The following RSPO2 variants were observed in gnomAD, a reference collection of about 807,000 sequenced individuals.
RSPO2 encodes R-spondin-2.
Under a neutral mutation model 30.9 loss-of-function variants are expected in RSPO2, and 14 were observed. The observed-to-expected ratio is 0.45, with a 90% CI of 0.30 to 0.71. The LOEUF (loss-of-function observed/expected upper bound fraction) is 0.71. Among genes scored for constraint, RSPO2 ranks in the 30% least tolerant of loss-of-function variants. The pLI, the probability that RSPO2 is intolerant of heterozygous loss-of-function variation, is 0.08. For synonymous variants in RSPO2, 107 were observed against 96.4 expected (o/e 1.11, Z -0.64); for missense variants, 264 against 301.9 (o/e 0.87, Z 0.93).
intron 3 of RSPO2, among the ~76,000 whole-genome samples, chr8:107,980,057 CCTCTTA>C (rs1258780534): frequency 6.6e-6 from 1 of 152,042 alleles, no homozygotes; most frequent in Non-Finnish European, 1.5e-5. Context: ...TACCCTTTAC[CCTCTTA>C]CTCTTACTCA....
intron 5 of RSPO2, among the ~76,000 whole-genome samples, chr8:107,903,402 C>T (rs1198888233): frequency 2.0e-5 from 3 of 152,076 alleles, no homozygotes; most frequent in African/African-American, 7.2e-5. Flanking sequence ...ACTACTTTCA[C>T]TAACAGCAAA....
At chr8:108,003,189 T>C (rs1027197583) in intron 2 of RSPO2, among the ~76,000 whole-genome samples, 31 of 147,646 alleles carry the variant, frequency 2.1e-4, no homozygotes, top group African/African-American at 7.0e-4. Context: ...GTAGCTGGGA[T>C]TACAGGCATG....
At chr8:108,011,148 A>AAAAAAAAG in intron 2 of RSPO2, among the ~76,000 whole-genome samples, 1 of 140,486 alleles carries the variant, frequency 7.1e-6, no homozygotes, top group Non-Finnish European at 1.5e-5. Flanking sequence ...AAAAAAAAAA[A>AAAAAAAAG]AAAGAAAGAA....
At chr8:107,917,157 A>G (rs1462824273) in intron 5 of RSPO2, among the ~76,000 whole-genome samples, 1 of 152,132 alleles carries the variant, frequency 6.6e-6, no homozygotes, top group African/African-American at 2.4e-5. Context: ...TGAAAAGCCA[A>G]GTTTCTTCTA....
At chr8:108,024,179 A>G (rs1662454162) in intron 2 of RSPO2, among the ~76,000 whole-genome samples, 1 of 152,200 alleles carries the variant, frequency 6.6e-6, no homozygotes, top group African/African-American at 2.4e-5. Flanking sequence ...ATTCTCTCCA[A>G]CGACAACTTA....
At chr8:107,918,987 T>C (rs1369923664) in intron 5 of RSPO2, among the ~76,000 whole-genome samples, 1 of 152,162 alleles carries the variant, frequency 6.6e-6, no homozygotes, top group Non-Finnish European at 1.5e-5. Flanking sequence ...ATATTTACTT[T>C]TAAAACTGGG....
intron 2 of RSPO2, among the ~76,000 whole-genome samples, chr8:108,007,245 TA>T (rs1420461744): frequency 6.6e-6 from 1 of 152,168 alleles, no homozygotes; most frequent in Admixed American, 6.5e-5. Flanking sequence ...AGTTGTCTTG[TA>T]AAATATTCTA....
chr8:108,016,818 T>G (rs1810904202), intron 2 of RSPO2, among the ~76,000 whole-genome samples: 1 of 152,034 alleles, frequency 6.6e-6, no homozygotes, highest in African/African-American at 2.4e-5. Flanking sequence ...CAACTCTCTC[T>G]CGCGCTCCTG....
intron 2 of RSPO2, among the ~76,000 whole-genome samples, chr8:108,032,586 C>T (rs1000150337): frequency 5.3e-5 from 8 of 152,074 alleles, no homozygotes; most frequent in African/African-American, 1.7e-4. Flanking sequence ...CCCCTACCAA[C>T]CTACTGTCTC....
intron 2 of RSPO2, among the ~76,000 whole-genome samples, chr8:108,036,912 C>T (rs1331236959): frequency 6.6e-6 from 1 of 152,180 alleles, no homozygotes; most frequent in Non-Finnish European, 1.5e-5. Flanking sequence ...AAAAACTGCA[C>T]CCACATAAGA....
chr8:108,082,632 A>G lies in RSPO2; in HGVS notation c.7T>C (p.Phe3Leu). 1 of 1,613,926 alleles carries G rather than the reference A, an allele frequency of 6.2e-7. No homozygotes were observed. The part of the protein sequence containing the change: MQ[F>L]RLFSFALIIL... ...ATGAGGGCAAAGGAGAAAAGGCGAA[A>G]CTGCATCTGGGCGGTCGGGCGGGGG... The change falls in exon 2 of 6, where the codon TTT (phenylalanine) becomes CTT (leucine). Residue 3 changes from phenylalanine to leucine, a missense_variant. Physicochemically the swap from Phe to Leu is conservative, Grantham distance 22. Coordinates refer to ENST00000276659, the MANE Select transcript of RSPO2 (RefSeq NM_178565.5).
chr8:108,048,563 TTTC>T (rs1029244695), intron 2 of RSPO2, among the ~76,000 whole-genome samples: 1 of 148,684 alleles, frequency 6.7e-6, no homozygotes, highest in African/African-American at 2.6e-5. Flanking sequence ...TCTTCTCTCT[TTTC>T]TTTTTAGTCT....
In RSPO2 at chr8:108,050,019, C is replaced by T. The variant is rs563631691; in HGVS notation, c.94+32526G>A. The stretch of plus-strand genomic sequence containing the variant: ...ATTTCCATCCTGTTTCTTTTGTACC[C>T]TAAGCTTGGAATTATAAAACTTAAA... On this transcript the variant is annotated intron_variant, in intron 2 of 5. Transcript: ENST00000276659. 2.6e-5 allele frequency among the ~76,000 whole-genome samples: 4 copies of T among 152,202 alleles called. No homozygotes were observed. The South Asian group carries it at 8.3e-4, about 32-fold the overall frequency.
chr8:107,933,259 C>G (rs1812603280), intron 5 of RSPO2, among the ~76,000 whole-genome samples: 1 of 152,118 alleles, frequency 6.6e-6, no homozygotes, highest in Admixed American at 6.6e-5. Context: ...ATTTTTCTAG[C>G]ATTACAACCT....
At chr8:108,011,629 T>C (rs1309196640) in intron 2 of RSPO2, among the ~76,000 whole-genome samples, 1 of 152,250 alleles carries the variant, frequency 6.6e-6, no homozygotes, top group African/African-American at 2.4e-5. Flanking sequence ...GTGTTTCATA[T>C]ATGGCAATTG....
intron 5 of RSPO2, among the ~76,000 whole-genome samples, chr8:107,907,190 T>G (rs764173889): frequency 6.6e-6 from 1 of 151,874 alleles, no homozygotes; most frequent in Non-Finnish European, 1.5e-5. Flanking sequence ...GAAGTGAGGG[T>G]AAGGTGGAAA....
intron 2 of RSPO2, among the ~76,000 whole-genome samples, chr8:108,038,083 A>T (rs2130650369): frequency 6.6e-6 from 1 of 152,348 alleles, no homozygotes; most frequent in Admixed American, 6.5e-5. Context: ...TGGGAAAAGT[A>T]AATTGAAAAC....
chr8:108,042,458 G>C (rs1020539805), intron 2 of RSPO2, among the ~76,000 whole-genome samples: 5 of 152,106 alleles, frequency 3.3e-5, no homozygotes, highest in African/African-American at 1.2e-4. Flanking sequence ...CTTCACAAGA[G>C]GAAGATTCCA....
chr8:108,035,238 T>C (rs1222396628), intron 2 of RSPO2, among the ~76,000 whole-genome samples: 2 of 152,184 alleles, frequency 1.3e-5, no homozygotes, highest in Non-Finnish European at 2.9e-5. Context: ...CTTCTTAGTA[T>C]AAGTAAGCCA....
Sources: gnomAD v4.1 joint callset for allele counts (sites outside exome capture counted in the v4.1 genomes callset) on GRCh38, gnomAD v4.1.1 for gene constraint, MANE v1.5 for transcripts, NCBI Gene and HGNC (gene_info 2026-07-23, HGNC 2026-07-21) for gene names.